Variants in CATSPER4 observed in about 807,000 individuals in gnomAD.
The protein encoded by CATSPER4 is cation channel sperm-associated protein 4.
CATSPER4 carries 46 observed loss-of-function variants against 54.4 expected under a neutral mutation model. That is an observed-to-expected ratio of 0.84 (90% confidence interval 0.67 to 1.08). The LOEUF is 1.08. Among genes scored for constraint, CATSPER4 ranks in the 50% least tolerant of loss-of-function variants. The pLI is 0.00. For missense variants in CATSPER4, 574 were observed against 612.8 expected, an observed-to-expected ratio of 0.94 and a Z score of 0.67; for synonymous variants, 230 against 231.9, an observed-to-expected ratio of 0.99 and a Z score of 0.08.
At chr1:26,195,314 T>A (rs761909856) in intron 3 of CATSPER4, among the ~76,000 whole-genome samples, 26 of 151,808 alleles carry the variant, frequency 1.7e-4, no homozygotes, top group Non-Finnish European at 2.5e-4. Flanking sequence ...AAGAAAGGAG[T>A]TGTATTTGGC....
At position 26,198,286 on chromosome 1, in the gene CATSPER4, G is replaced by T. The variant is rs766849642; in HGVS notation, c.679G>T (p.Val227Phe). 1.1e-5 allele frequency: 18 copies of T among 1,614,078 alleles called. No homozygotes were observed. The Admixed American group carries it at 3.0e-4, about 27-fold the overall frequency. ...IMVLILFFML[V>F]FSVFGVTLFG... ...GGTGGGGCTCTTTTCTCTCTGACAGGTTTTTTCCGTGTTTGGAGTAACACT... is the reference window on the plus strand; with the variant it reads ...GGTGGGGCTCTTTTCTCTCTGACAGTTTTTTTCCGTGTTTGGAGTAACACT... Residue 227 changes from valine to phenylalanine, a missense_variant and splice_region_variant, in exon 6 of 10, where the codon GTT becomes TTT. By Grantham distance (50) the Val-to-Phe change is conservative. Transcript: ENST00000456354.
intron 9 of CATSPER4, 131 bp from the exon 10 acceptor site, chr1:26,202,358 C>A: frequency 1.3e-6 from 1 of 798,008 alleles, no homozygotes; most frequent in East Asian, 2.7e-5. Context: ...TAGGTAGGCT[C>A]AAGTTAGACC....
At chr1:26,199,759 G>A in intron 6 of CATSPER4, 125 bp from the exon 7 acceptor site, 1 of 1,019,196 alleles carries the variant, frequency 9.8e-7, no homozygotes, top group Non-Finnish European at 1.5e-6. Flanking sequence ...AATGGGATCT[G>A]CACAACAGCA....
chr1:26,200,736 C>A, intron 7 of CATSPER4, 94 bp from the exon 8 acceptor site: 1 of 955,406 alleles, frequency 1.0e-6, no homozygotes. Flanking sequence ...ACCCTGGGGT[C>A]CTAAGAGACT....
In CATSPER4 at chr1:26,198,388, G is replaced by T; in HGVS notation, c.781G>T (p.Asp261Tyr). The T allele has an allele frequency of 6.2e-7, 1 of 1,614,150 alleles. No individual in the cohort carries two copies. Among genetic ancestry groups the T allele is most frequent in the South Asian group, 1.1e-5 (1 of 91,080 alleles). ...LYTLFICITQ[D>Y]GWVDIYSDFQ... The stretch of plus-strand genomic sequence containing the variant: ...CACCCTCTTCATCTGCATCACCCAG[G>T]ACGGCTGGGTGGACATCTACAGTGA... The change falls in exon 6 of 10, where the codon GAC (aspartate) becomes TAC (tyrosine). Residue 261 changes from aspartate (D) to tyrosine (Y), a missense_variant. Transcript: ENST00000456354.
At chr1:26,202,097 T>C (rs1268288545) in intron 9 of CATSPER4, among the ~76,000 whole-genome samples, 1 of 152,206 alleles carries the variant, frequency 6.6e-6, no homozygotes, top group Non-Finnish European at 1.5e-5. Flanking sequence ...TCATCTCTAG[T>C]GCCTTCAAAC....
intron 9 of CATSPER4, among the ~76,000 whole-genome samples, chr1:26,201,778 G>A (rs1036778256): frequency 1.4e-5 from 2 of 147,086 alleles, no homozygotes; most frequent in African/African-American, 5.0e-5. Context: ...CCACCTCTGC[G>A]GCCTGGGTTC....
chr1:26,201,270 G>C, intron 8 of CATSPER4, 84 bp from the exon 9 acceptor site: 2 of 1,450,736 alleles, frequency 1.4e-6, no homozygotes, highest in South Asian at 2.3e-5. Flanking sequence ...GGAGAGCGAA[G>C]CGGGGGTGAC....
chr1:26,202,795 G>A lies in CATSPER4; in HGVS notation c.*253G>A, dbSNP rs561885735. ...CCTAGCAGCAAGGATGAGCACAGAA[G>A]GGGGTGCTGGCCAACGCAGCCAGGA... is the stretch of plus-strand genomic sequence containing the variant. On this transcript the variant is annotated 3_prime_UTR_variant, in exon 10 of 10. Transcript: ENST00000456354. 3.4e-5 allele frequency: 19 copies of A among 564,040 alleles called. No individual in the cohort carries two copies. Among genetic ancestry groups the A allele is most frequent in the South Asian group, 2.7e-4 (13 of 48,448 alleles). 34.9% of individuals were successfully genotyped at this position (564,040 alleles called of 1,614,324 possible). A position where few individuals can be genotyped will look rare whatever the true frequency, so the allele number is the denominator to read the frequency against.
At chr1:26,200,808 C>T (rs1384925176) in intron 7 of CATSPER4, 22 bp from the exon 8 acceptor site, 3 of 1,606,140 alleles carry the variant, frequency 1.9e-6, no homozygotes, top group Non-Finnish European at 1.7e-6. Context: ...GTCCCGACCC[C>T]TCTCTATCCC....
chr1:26,193,881 T>G lies in CATSPER4; in HGVS notation c.452T>G (p.Phe151Cys). Reference sequence around the variant, plus strand: ...GGCTGGCTCAATGGCTTCTGGATTTTCTGGAAGGTGAGATCCTGAGCCCTT... The same window carrying G: ...GGCTGGCTCAATGGCTTCTGGATTTGCTGGAAGGTGAGATCCTGAGCCCTT... The part of the protein sequence containing the change: ...LLGWLNGFWI[F>C]WKDGWNILNF... The change falls in exon 3 of 10, where the codon TTC becomes TGC. Residue 151 changes from phenylalanine to cysteine, a missense_variant. Phe to Cys is a radical substitution (Grantham distance 205). Transcript: ENST00000456354. 1.9e-6 allele frequency: 3 copies of G among 1,613,418 alleles called. No homozygotes were observed. The highest frequency in any genetic ancestry group is 2.5e-6 in the Non-Finnish European group (3 of 1,179,310).
At position 26,190,701 on chromosome 1, in the gene CATSPER4, A is replaced by G. The variant is rs751501697; in HGVS notation, c.74A>G (p.Gln25Arg). 3.1e-6 allele frequency: 5 copies of G among 1,613,064 alleles called. No individual in the cohort carries two copies. The South Asian group carries it at 5.5e-5, about 18-fold the overall frequency. Reference sequence around the variant, plus strand: ...GGCCTCGAGGGGTGGGGCGGGACTCAGGAGGACCGTATGGGGTTTGGAGGG... The same window carrying G: ...GGCCTCGAGGGGTGGGGCGGGACTCGGGAGGACCGTATGGGGTTTGGAGGG... ...HTGLEGWGGT[Q>R]EDRMGFGGAV... The change falls in exon 1 of 10, where the codon CAG becomes CGG. Residue 25 changes from glutamine to arginine, a missense_variant. Physicochemically the swap from Gln to Arg is conservative, Grantham distance 43 (BLOSUM62 1). Coordinates refer to ENST00000456354, the MANE Select transcript of CATSPER4 (RefSeq NM_198137.2).
Position 26,202,719 on chromosome 1 carries a change from G to T in CATSPER4, c.*177G>T. On this transcript the variant is annotated 3_prime_UTR_variant, in exon 10 of 10. Transcript: ENST00000456354. ...GCAGGTCTGGTGCCTGTGAGCCCCAGGTCCGGTGGAGCAAGGAGAGAGGAG... is the reference window on the plus strand; with the variant it reads ...GCAGGTCTGGTGCCTGTGAGCCCCATGTCCGGTGGAGCAAGGAGAGAGGAG... 1 of 657,710 alleles carries T rather than the reference G, an allele frequency of 1.5e-6. No homozygotes were observed. Among genetic ancestry groups the T allele is most frequent in the Non-Finnish European group, 2.8e-6 (1 of 362,968 alleles). The allele number at this position is 657,710 out of a possible 1,614,324, so 40.7% of individuals were successfully genotyped here.
Position 26,193,732 on chromosome 1 carries a change from C to A in CATSPER4, c.358-55C>A, listed in dbSNP as rs2088901925. The stretch of plus-strand genomic sequence containing the variant: ...TACATCCTCTCCCTGCCGGCTTGCC[C>A]AGGCCCTGCTCCACTGACCTCTCTG... On this transcript the variant is annotated intron_variant, in intron 2 of 9. Coordinates refer to ENST00000456354, the MANE Select transcript of CATSPER4 (RefSeq NM_198137.2). 4 of 1,188,558 alleles carry A rather than the reference C, an allele frequency of 3.4e-6. No individual in the cohort carries two copies. The South Asian group carries it at 4.8e-5, about 14-fold the overall frequency. 73.6% of individuals were successfully genotyped at this position (1,188,558 alleles called of 1,614,324 possible). A position where few individuals can be genotyped will look rare whatever the true frequency, so the allele number is the denominator to read the frequency against.
In CATSPER4 at chr1:26,197,675, C is replaced by T; in HGVS notation, c.460-11C>T. 1 of 1,605,378 alleles carries T rather than the reference C, an allele frequency of 6.2e-7. No homozygotes were observed. The highest frequency in any genetic ancestry group is 8.5e-7 in the Non-Finnish European group (1 of 1,173,526). The stretch of plus-strand genomic sequence containing the variant: ...CCTGACAGACCCCACTGGGGCTGGC[C>T]CACTCCCCAGGACGGCTGGAACATC... On this transcript the variant is annotated splice_polypyrimidine_tract_variant and intron_variant, in intron 3 of 9. Coordinates refer to ENST00000456354, the MANE Select transcript of CATSPER4 (RefSeq NM_198137.2).
At chr1:26,196,913 C>G (rs111772533) in intron 3 of CATSPER4, among the ~76,000 whole-genome samples, 1,129 of 71,304 alleles carry the variant, frequency 0.016, 12 homozygotes, top group African/African-American at 0.05. Flanking sequence ...TCTTTTCTTT[C>G]TTTTTTTTTT....
chr1:26,196,913 CTTT>C (rs1230900409), intron 3 of CATSPER4, among the ~76,000 whole-genome samples: 5 of 71,406 alleles, frequency 7.0e-5, no homozygotes, highest in African/African-American at 1.2e-4. Flanking sequence ...TCTTTTCTTT[CTTT>C]TTTTTTTTTT....
Position 26,190,647 on chromosome 1 carries a change from C to T in CATSPER4, c.20C>T (p.Ala7Val), listed in dbSNP as rs1569896410. Residue 7 changes from alanine to valine, a missense_variant, in exon 1 of 10, where the codon GCC becomes GTC. By Grantham distance (64) the Ala-to-Val change is moderately conservative. Transcript: ENST00000456354. ...GCAAACATGAGGGATAATGAAAAGG[C>T]CTGGTGGCAGCAATGGACCTCCCAT... MRDNEK[A>V]WWQQWTSHTG... The T allele has an allele frequency of 6.2e-7, 1 of 1,605,366 alleles. No individual in the cohort carries two copies. The highest frequency in any genetic ancestry group is 8.5e-7 in the Non-Finnish European group (1 of 1,179,780).
intron 8 of CATSPER4, 52 bp downstream of exon 8, chr1:26,201,093 G>C: frequency 1.4e-6 from 2 of 1,457,026 alleles, no homozygotes; most frequent in Non-Finnish European, 1.9e-6. Flanking sequence ...AAGGCTGGGC[G>C]GAGCGTCAGA....
Sources: gnomAD v4.1 joint callset for allele counts (sites outside exome capture counted in the v4.1 genomes callset) on GRCh38, gnomAD v4.1.1 for gene constraint, MANE v1.5 for transcripts, NCBI Gene and HGNC (gene_info 2026-07-23, HGNC 2026-07-21) for gene names.